Variants in ADGRB3 observed in about 807,000 individuals in gnomAD.
ADGRB3 encodes adhesion G protein-coupled receptor B3, also known as brain-specific angiogenesis inhibitor 3.
ADGRB3 carries 37 observed loss-of-function variants against 193.4 expected under a neutral mutation model. The observed-to-expected ratio is 0.19, with a 90% confidence interval of 0.15 to 0.25. ADGRB3 has a LOEUF of 0.25. Among genes scored for constraint, ADGRB3 ranks in the 10% least tolerant of loss-of-function variants. The pLI is 1.00. For synonymous variants in ADGRB3, 690 were observed against 644.2 expected, an observed-to-expected ratio of 1.07 and a Z score of -1.08; for missense variants, 1,637 against 1,852.9, an observed-to-expected ratio of 0.88 and a Z score of 2.14.
intron 3 of ADGRB3, among the ~76,000 whole-genome samples, chr6:68,750,566 G>A (rs916236875): frequency 9.9e-5 from 15 of 152,044 alleles, no homozygotes; most frequent in African/African-American, 3.1e-4. Context: ...TTTTATTTTT[G>A]CCTACAACTT....
intron 3 of ADGRB3, among the ~76,000 whole-genome samples, chr6:68,647,306 G>C (rs938518288): frequency 2.0e-5 from 3 of 151,806 alleles, no homozygotes; most frequent in African/African-American, 7.3e-5. Flanking sequence ...TTCATTATAC[G>C]ATGTCATTAT....
At chr6:69,180,990 A>G (rs1775565277) in intron 17 of ADGRB3, among the ~76,000 whole-genome samples, 1 of 152,122 alleles carries the variant, frequency 6.6e-6, no homozygotes, top group Admixed American at 6.5e-5. Context: ...AGTCAACTCC[A>G]GAGCTTGGGA....
chr6:69,143,608 G>A (rs1188674746), intron 17 of ADGRB3, among the ~76,000 whole-genome samples: 7 of 152,028 alleles, frequency 4.6e-5, no homozygotes, highest in African/African-American at 1.2e-4. Context: ...ATGGATATCC[G>A]GCTTTCTTAG....
In ADGRB3 at chr6:68,692,693, C is replaced by T. The variant is rs1293118346; in HGVS notation, c.757+53261C>T. Among the ~76,000 whole-genome samples the T allele has an allele frequency of 4.0e-5, 6 of 151,728 alleles. No individual in the cohort carries two copies. In the South Asian group the frequency reaches 6.2e-4, roughly 16 times the overall value. On this transcript the variant is annotated intron_variant, in intron 3 of 31. Transcript: ENST00000370598. ...CACTTTAAAATATCCCTAAGGCTTC[C>T]TTTGCTGGTTTGATTTTAGCATTAA...
At chr6:68,646,575 A>T (rs1002802471) in intron 3 of ADGRB3, among the ~76,000 whole-genome samples, 1 of 151,788 alleles carries the variant, frequency 6.6e-6, no homozygotes, top group Non-Finnish European at 1.5e-5. Flanking sequence ...CTGAATTTTC[A>T]TACTACTTCA....
intron 16 of ADGRB3, among the ~76,000 whole-genome samples, chr6:69,065,764 TACACACAC>T (rs3043304): frequency 2.3e-5 from 3 of 129,210 alleles, no homozygotes; most frequent in African/African-American, 5.9e-5. Flanking sequence ...TGTATATATA[TACACACAC>T]ACACACACAC....
intron 3 of ADGRB3, among the ~76,000 whole-genome samples, chr6:68,725,172 C>G (rs1470511003): frequency 1.3e-5 from 2 of 151,612 alleles, no homozygotes; most frequent in Admixed American, 6.6e-5. Flanking sequence ...TAAACCTGTG[C>G]TCATCCCCTG....
chr6:69,261,476 A>G (rs543675559), intron 20 of ADGRB3, among the ~76,000 whole-genome samples: 1 of 152,248 alleles, frequency 6.6e-6, no homozygotes, highest in South Asian at 2.1e-4. Context: ...ATATAAATAT[A>G]CTAATTTCTG....
intron 15 of ADGRB3, among the ~76,000 whole-genome samples, chr6:69,056,827 A>C (rs1314164236): frequency 6.6e-6 from 1 of 152,290 alleles, no homozygotes; most frequent in Admixed American, 6.5e-5. Flanking sequence ...CCAGTACCAT[A>C]CTTTAAAAAT....
rs191336122 is a variant in ADGRB3 at position 69,168,730 on chromosome 6, A to G, written c.2481-64560A>G. Reference sequence around the variant, plus strand: ...CAATTTTTGCAAGATGTGATTTCATAGTTTCTGTAAGAAATGTTGTAGAAT... The same window carrying G: ...CAATTTTTGCAAGATGTGATTTCATGGTTTCTGTAAGAAATGTTGTAGAAT... On this transcript the variant is annotated intron_variant, in intron 17 of 31. Transcript: ENST00000370598. 4.8e-4 allele frequency among the ~76,000 whole-genome samples: 73 copies of G among 152,222 alleles called. No homozygotes were observed. In the East Asian group the frequency reaches 9.2e-3, roughly 19 times the overall value.
chr6:68,785,704 T>C (rs192744008), intron 3 of ADGRB3, among the ~76,000 whole-genome samples: 40 of 152,280 alleles, frequency 2.6e-4, no homozygotes, highest in Middle Eastern at 3.4e-3. Flanking sequence ...ATGCTATTTC[T>C]AGTTCTAGAT....
chr6:68,723,498 A>T (rs1765620606), intron 3 of ADGRB3, among the ~76,000 whole-genome samples: 1 of 151,708 alleles, frequency 6.6e-6, no homozygotes, highest in Non-Finnish European at 1.5e-5. Context: ...CCTGAAGATG[A>T]GTGGTTATAA....
At chr6:69,137,847 A>T (rs1214593557) in intron 17 of ADGRB3, among the ~76,000 whole-genome samples, 1 of 152,142 alleles carries the variant, frequency 6.6e-6, no homozygotes, top group Admixed American at 6.5e-5. Context: ...ATGCCTAAAC[A>T]CAATAGATAC....
In ADGRB3 at chr6:69,335,948, A is replaced by G. The variant is rs148671841; in HGVS notation, c.3188+2940A>G. On this transcript the variant is annotated intron_variant, in intron 24 of 31. Transcript: ENST00000370598. ...TATAGTTTGTGCTCAATAAATATTTATAAGGAATTAATAAGTGAATGTTTA... is the reference window on the plus strand; with the variant it reads ...TATAGTTTGTGCTCAATAAATATTTGTAAGGAATTAATAAGTGAATGTTTA... Among the ~76,000 whole-genome samples the G allele has an allele frequency of 1.1e-4, 16 of 152,216 alleles. No homozygotes were observed. The East Asian group carries it at 2.7e-3, about 26-fold the overall frequency.
At chr6:69,192,051 A>T (rs1316358721) in intron 17 of ADGRB3, among the ~76,000 whole-genome samples, 2 of 152,272 alleles carry the variant, frequency 1.3e-5, no homozygotes, top group Non-Finnish European at 2.9e-5. Flanking sequence ...TGTATTAGTC[A>T]GGTTTCTCTA....
intron 3 of ADGRB3, among the ~76,000 whole-genome samples, chr6:68,673,100 G>T (rs1769007067): frequency 6.6e-6 from 1 of 151,982 alleles, no homozygotes; most frequent in Non-Finnish European, 1.5e-5. Context: ...GTGTATGTTT[G>T]TGTATGTTAG....
intron 16 of ADGRB3, among the ~76,000 whole-genome samples, chr6:69,068,223 G>A (rs77242755): frequency 0.077 from 11,770 of 152,158 alleles, 569 homozygotes; most frequent in Non-Finnish European, 0.11. Flanking sequence ...TGTGTTACAA[G>A]CCAAAAGGGA....
At position 68,974,850 on chromosome 6, in the gene ADGRB3, C is replaced by T. The variant is rs1304575172; in HGVS notation, c.1613C>T (p.Pro538Leu). Reference sequence around the variant, plus strand: ...GGCGACTTGGCATTCAATCAATGTCCCCTGAATGCCACAGGTACAGTAGGA... The same window carrying T: ...GGCGACTTGGCATTCAATCAATGTCTCCTGAATGCCACAGGTACAGTAGGA... ...PAGDLAFNQC[P>L]LNATGTTSRR... The change falls in exon 9 of 32, where the codon CCC becomes CTC. Residue 538 changes from proline (P) to leucine (L), a missense_variant. By Grantham distance (98) the Pro-to-Leu change is moderately conservative. Coordinates refer to ENST00000370598, the MANE Select transcript of ADGRB3 (RefSeq NM_001704.3). 1.2e-6 allele frequency: 2 copies of T among 1,613,456 alleles called. No individual in the cohort carries two copies. The highest frequency in any genetic ancestry group is 8.5e-7 in the Non-Finnish European group (1 of 1,179,552).
chr6:68,823,753 G>A lies in ADGRB3; in HGVS notation c.758-106806G>A, dbSNP rs182139135. Among the ~76,000 whole-genome samples the A allele has an allele frequency of 2.9e-4, 44 of 152,190 alleles. 1 individual carries two copies. The highest frequency in any genetic ancestry group is 1.2e-3 in the Admixed American group (19 of 15,268). On this transcript the variant is annotated intron_variant, in intron 3 of 31. Coordinates refer to ENST00000370598, the MANE Select transcript of ADGRB3 (RefSeq NM_001704.3). ...GGGGTCATGTTATAAAATAATAAAT[G>A]AAGTTCAATAGCTTTATTAAGCTAA...
Sources: allele counts gnomAD v4.1 joint callset (sites outside exome capture counted in the v4.1 genomes callset), GRCh38; gene constraint gnomAD v4.1.1; transcripts MANE v1.5; gene names NCBI Gene and HGNC (gene_info 2026-07-23, HGNC 2026-07-21).